The following MFHAS1 variants were observed in gnomAD, a reference collection of about 807,000 sequenced individuals.
MFHAS1 encodes the protein multifunctional ROCO family signaling regulator 1.
In MFHAS1, 50 loss-of-function variants were observed where a neutral mutation model predicts 70.4. The ratio of observed to expected loss-of-function variants is 0.71; its 90% CI spans 0.57 to 0.90. The LOEUF is 0.90. Among genes scored for constraint, MFHAS1 ranks in the 40% least tolerant of loss-of-function variants. MFHAS1 has a pLI of 0.00. For synonymous variants in MFHAS1, 952 were observed against 620.0 expected (o/e 1.54, Z -7.96); for missense variants, 1,795 against 1,347.6 (o/e 1.33, Z -5.20).
In MFHAS1 at chr8:8,892,123, T is replaced by G; in HGVS notation, c.936A>C (p.Pro312=). Residue 312 remains proline, a synonymous_variant, in exon 1 of 3, where the codon CCA becomes CCC. Coordinates refer to ENST00000276282, the MANE Select transcript of MFHAS1 (RefSeq NM_004225.3). This position sits in a 1 kb window ranked among gnomAD's most constrained non-coding sequence, Gnocchi z 4.7. ...YLSRNQLTSV[P]SLISGLGRLL... ...GCCGGCCCAGGCCCGAGATAAGGGA[T>G]GGCACCGAGGTGAGCTGGTTGCGAC... 6.2e-7 allele frequency: 1 copy of G among 1,612,386 alleles called. No individual in the cohort carries two copies. Among genetic ancestry groups the G allele is most frequent in the Non-Finnish European group, 8.5e-7 (1 of 1,179,960 alleles).
intron 1 of MFHAS1, among the ~76,000 whole-genome samples, chr8:8,888,343 G>A (rs765762913): frequency 1.5e-4 from 23 of 152,104 alleles, no homozygotes; most frequent in Non-Finnish European, 3.1e-4. Flanking sequence ...GTCCCTCTCT[G>A]ACCAGGACAA....
At chr8:8,787,257 T>C (rs1267683997) in intron 2 of MFHAS1, among the ~76,000 whole-genome samples, 1 of 152,096 alleles carries the variant, frequency 6.6e-6, no homozygotes, top group East Asian at 1.9e-4. Flanking sequence ...ATTTTTTGCA[T>C]TTTTAGTAGA....
intron 1 of MFHAS1, among the ~76,000 whole-genome samples, chr8:8,870,027 T>A (rs996616670): frequency 2.0e-5 from 3 of 152,164 alleles, no homozygotes; most frequent in Non-Finnish European, 4.4e-5. Context: ...AATTTGACAT[T>A]TCCCCATTTG....
At position 8,891,068 on chromosome 8, in the gene MFHAS1, TG is replaced by T. The variant is rs1487354473; in HGVS notation, c.1990del (p.Gln664ArgfsTer18). On this transcript the variant is annotated frameshift_variant, in exon 1 of 3. Coordinates refer to ENST00000276282, the MANE Select transcript of MFHAS1 (RefSeq NM_004225.3). LOFTEE classifies it high-confidence loss of function. The surrounding 1 kb of genome is among the most constrained non-coding windows in gnomAD (Gnocchi z 5.4). ...NLHRVLPRSW[Q>X]VLEELHFQPP... ...CTGGAAATGCAGTTCCTCCAGCACC[TG>T]CCAGGATCGAGGCAGTACTCTGTGT... is the stretch of plus-strand genomic sequence containing the variant. The T allele has an allele frequency of 6.2e-7, 1 of 1,613,584 alleles. No individual in the cohort carries two copies. The highest frequency in any genetic ancestry group is 8.5e-7 in the Non-Finnish European group (1 of 1,179,910).
intron 1 of MFHAS1, among the ~76,000 whole-genome samples, chr8:8,819,079 G>T (rs893030888): frequency 6.6e-6 from 1 of 151,700 alleles, no homozygotes; most frequent in East Asian, 1.9e-4. Flanking sequence ...AAATAAAGTC[G>T]GCTTATATAA....
chr8:8,891,902 A>T lies in MFHAS1; in HGVS notation c.1157T>A (p.Met386Lys), dbSNP rs771754328. ...GGCTGCGATGTAGGGGATCCCCTTC[A>T]TGCAGACCTCGTAGGGGGGCTGGAT... ...PLIQPPYEVC[M>K]KGIPYIAAYQ... The change falls in exon 1 of 3, where the codon ATG (methionine) becomes AAG (lysine). Residue 386 changes from methionine to lysine, a missense_variant. Transcript: ENST00000276282. The surrounding 1 kb of genome is among the most constrained non-coding windows in gnomAD (Gnocchi z 5.4). The T allele has an allele frequency of 6.2e-7, 1 of 1,611,038 alleles. No homozygotes were observed. Among genetic ancestry groups the T allele is most frequent in the East Asian group, 2.2e-5 (1 of 44,836 alleles).
At chr8:8,788,864 C>T (rs1419736987) in intron 2 of MFHAS1, among the ~76,000 whole-genome samples, 1 of 152,126 alleles carries the variant, frequency 6.6e-6, no homozygotes, top group Non-Finnish European at 1.5e-5. Context: ...CCACGGCCCA[C>T]CACGGCTGAC....
At chr8:8,855,217 T>C (rs1808392454) in intron 1 of MFHAS1, among the ~76,000 whole-genome samples, 1 of 152,216 alleles carries the variant, frequency 6.6e-6, no homozygotes, top group Non-Finnish European at 1.5e-5. Context: ...CCTCCCAAAG[T>C]GCTGGGATCA....
intron 1 of MFHAS1, among the ~76,000 whole-genome samples, chr8:8,865,315 T>A (rs1007191125): frequency 1.4e-5 from 2 of 147,738 alleles, no homozygotes; most frequent in African/African-American, 5.0e-5. Context: ...TGTTTCACTG[T>A]CAAGATGACA....
At chr8:8,867,815 C>G (rs1420084008) in intron 1 of MFHAS1, among the ~76,000 whole-genome samples, 1 of 152,044 alleles carries the variant, frequency 6.6e-6, no homozygotes, top group African/African-American at 2.4e-5. Context: ...CCTCGGCCTC[C>G]CAAAGTGCTG....
rs1240350126 is a variant in MFHAS1 at position 8,891,298 on chromosome 8, G to A, written c.1761C>T (p.Arg587=). The A allele has an allele frequency of 6.2e-7, 1 of 1,611,562 alleles. No individual in the cohort carries two copies. Among genetic ancestry groups the A allele is most frequent in the Non-Finnish European group, 8.5e-7 (1 of 1,180,026 alleles). Residue 587 remains arginine, a synonymous_variant, in exon 1 of 3, where the codon CGC becomes CGT. Coordinates refer to ENST00000276282, the MANE Select transcript of MFHAS1 (RefSeq NM_004225.3). This position sits in a 1 kb window ranked among gnomAD's most constrained non-coding sequence, Gnocchi z 5.4. ...DEALARDFEL[R]SASPHAAYYG... ...AGTAGGCTGCGTGGGGGCTGGCAGA[G>A]CGCAGCTCGAAGTCCCGGGCCAGTG...
At chr8:8,841,267 G>C (rs914640802) in intron 1 of MFHAS1, among the ~76,000 whole-genome samples, 5 of 152,170 alleles carry the variant, frequency 3.3e-5, no homozygotes, top group African/African-American at 4.8e-5. Flanking sequence ...CTGCGGTCAT[G>C]AGTTTAAGAC....
chr8:8,800,814 G>C (rs1395250970), intron 1 of MFHAS1, among the ~76,000 whole-genome samples: 1 of 152,102 alleles, frequency 6.6e-6, no homozygotes, highest in Non-Finnish European at 1.5e-5. Context: ...AACAACAGCA[G>C]ATGCCAAGCC....
At chr8:8,809,993 TA>T (rs1402203878) in intron 1 of MFHAS1, among the ~76,000 whole-genome samples, 1 of 152,222 alleles carries the variant, frequency 6.6e-6, no homozygotes, top group African/African-American at 2.4e-5. Context: ...CCTGAAATTA[TA>T]AAACTAGCGC....
intron 1 of MFHAS1, among the ~76,000 whole-genome samples, chr8:8,842,069 T>C (rs1585046442): frequency 1.3e-5 from 2 of 152,240 alleles, no homozygotes; most frequent in East Asian, 1.9e-4. Context: ...GCTGCGCCTT[T>C]ATAATCATCT....
At chr8:8,841,000 C>A (rs1206076399) in intron 1 of MFHAS1, among the ~76,000 whole-genome samples, 2 of 152,064 alleles carry the variant, frequency 1.3e-5, no homozygotes, top group African/African-American at 2.4e-5. Context: ...AAACTATAAG[C>A]CCCATCACAT....
intron 1 of MFHAS1, among the ~76,000 whole-genome samples, chr8:8,854,794 G>C (rs988853296): frequency 6.6e-6 from 1 of 152,178 alleles, no homozygotes; most frequent in African/African-American, 2.4e-5. Flanking sequence ...AAATTCAGAT[G>C]TAAGAATAGA....
intron 1 of MFHAS1, among the ~76,000 whole-genome samples, chr8:8,810,901 G>A (rs1806521534): frequency 6.6e-6 from 1 of 152,140 alleles, no homozygotes; most frequent in African/African-American, 2.4e-5. Context: ...AGTGAAGGTT[G>A]GGACTGGGAG....
intron 1 of MFHAS1, among the ~76,000 whole-genome samples, chr8:8,838,583 C>T (rs561157334): frequency 5.3e-5 from 8 of 152,164 alleles, no homozygotes; most frequent in Non-Finnish European, 1.0e-4. Flanking sequence ...GAGGCAGAGG[C>T]GGGCGGATCA....
Sources: gnomAD v4.1 joint callset for allele counts (sites outside exome capture counted in the v4.1 genomes callset) on GRCh38, gnomAD v4.1.1 for gene constraint, Gnocchi (gnomAD v3.1) non-coding constraint, MANE v1.5 for transcripts, NCBI Gene and HGNC (gene_info 2026-07-23, HGNC 2026-07-21) for gene names.